The following ZNF273 variants were observed in gnomAD, a reference collection of about 807,000 sequenced individuals.
ZNF273 encodes zinc finger protein 9.
A neutral mutation model predicts 14.9 loss-of-function variants in ZNF273; 11 were observed. That is an observed-to-expected ratio of 0.74 (90% CI 0.46 to 1.22). ZNF273 has a LOEUF of 1.22. Among genes scored for constraint, ZNF273 ranks in the 50% most tolerant of loss-of-function variants. ZNF273 has a pLI of 0.00. For synonymous variants in ZNF273, 199 were observed against 223.9 expected (o/e 0.89, Z 0.99); for missense variants, 577 against 660.6 (o/e 0.87, Z 1.39).
intron 1 of ZNF273, among the ~76,000 whole-genome samples, chr7:64,908,837 A>G (rs1183335876): frequency 6.6e-6 from 1 of 152,216 alleles, no homozygotes; most frequent in Non-Finnish European, 1.5e-5. Context: ...GCTGCAGAGG[A>G]CATAACCTTA....
At chr7:64,892,030 C>T (rs1435838794), downstream of ZNF273, among the ~76,000 whole-genome samples, 1 of 152,188 alleles carries the variant, frequency 6.6e-6, no homozygotes, top group Non-Finnish European at 1.5e-5. Flanking sequence ...TCATTGTCCT[C>T]AGAAAATGAC....
chr7:64,895,563 T>G (rs541717543), intron 3 of ZNF273, among the ~76,000 whole-genome samples: 1 of 152,290 alleles, frequency 6.6e-6, no homozygotes, highest in Non-Finnish European at 1.5e-5. Flanking sequence ...GCTCATACAT[T>G]TCAAACGAAA....
upstream of ZNF273, among the ~76,000 whole-genome samples, chr7:64,902,072 CAAT>C (rs1414768116): frequency 2.0e-5 from 3 of 148,170 alleles, no homozygotes; most frequent in Non-Finnish European, 4.5e-5. Context: ...TTATTATATA[CAAT>C]AATATATATT....
chr7:64,901,636 T>G (rs1164917872), upstream of ZNF273, among the ~76,000 whole-genome samples: 10 of 152,242 alleles, frequency 6.6e-5, no homozygotes, highest in Admixed American at 1.3e-4. Flanking sequence ...AGACCCTCTT[T>G]TCTTTTCTCT....
chr7:64,879,299 G>A (rs772923760), intron 2 of ZNF273, among the ~76,000 whole-genome samples: 6 of 152,194 alleles, frequency 3.9e-5, no homozygotes, highest in Non-Finnish European at 5.9e-5. Flanking sequence ...GCATTTTGCA[G>A]GAAGCTCCTG....
rs1444053835 is a variant in ZNF273 at position 64,930,741 on chromosome 7, ATTG to A, written c.*1706_*1708del. Reference sequence around the variant, plus strand: ...TTTATATTTTTTCTTATTTAAATTTATTGTTCTTATTTTTCATGGGTACATAGT... The same window carrying A: ...TTTATATTTTTTCTTATTTAAATTTATTCTTATTTTTCATGGGTACATAGT... On this transcript the variant is annotated 3_prime_UTR_variant, in exon 4 of 4. Coordinates refer to ENST00000476120, the MANE Select transcript of ZNF273 (RefSeq NM_021148.3). 1 of 151,956 alleles carries A rather than the reference ATTG, an allele frequency of 6.6e-6. No homozygotes were observed. The highest frequency in any genetic ancestry group is 1.5e-5 in the Non-Finnish European group (1 of 67,938). 9.4% of individuals were successfully genotyped at this position (151,956 alleles called of 1,614,324 possible).
intron 3 of ZNF273, among the ~76,000 whole-genome samples, chr7:64,895,190 T>G (rs1338298723): frequency 6.6e-6 from 1 of 152,150 alleles, no homozygotes; most frequent in Admixed American, 6.5e-5. Context: ...AATTAATAAT[T>G]TGGTGCTTTC....
chr7:64,892,757 T>G (rs767491711), downstream of ZNF273, among the ~76,000 whole-genome samples: 32 of 152,208 alleles, frequency 2.1e-4, no homozygotes, highest in Non-Finnish European at 3.8e-4. Flanking sequence ...AAAGATTGGT[T>G]GGACCAGGTA....
chr7:64,935,656 G>A (rs547851998), downstream of ZNF273, among the ~76,000 whole-genome samples: 4 of 152,072 alleles, frequency 2.6e-5, no homozygotes, highest in African/African-American at 9.6e-5. Flanking sequence ...CCAAGTAACT[G>A]GGATTACAGG....
chr7:64,901,448 G>C (rs1792707271), upstream of ZNF273, among the ~76,000 whole-genome samples: 1 of 152,200 alleles, frequency 6.6e-6, no homozygotes, highest in Non-Finnish European at 1.5e-5. Context: ...CTTCTTGGTA[G>C]ACTATTGGTA....
Position 64,930,434 on chromosome 7 carries a change from TATATC to T in ZNF273, c.*1399_*1403del, listed in dbSNP as rs1239697576. On this transcript the variant is annotated 3_prime_UTR_variant, in exon 4 of 4. Coordinates refer to ENST00000476120, the MANE Select transcript of ZNF273 (RefSeq NM_021148.3). ...AAAATTTTTAATATTAAAATTCAAT[TATATC>T]ATTTTATGAATTGTGCTTTTCATAA... 3.3e-5 allele frequency: 5 copies of T among 152,156 alleles called. No individual in the cohort carries two copies. The highest frequency in any genetic ancestry group is 2.9e-5 in the Non-Finnish European group (2 of 68,018). The allele number at this position is 152,156 out of a possible 1,614,324, so 9.4% of individuals were successfully genotyped here. A position where few individuals can be genotyped will look rare whatever the true frequency, so the allele number is the denominator to read the frequency against.
At chr7:64,908,633 A>G (rs189209733) in intron 1 of ZNF273, among the ~76,000 whole-genome samples, 2 of 152,018 alleles carry the variant, frequency 1.3e-5, no homozygotes, top group Non-Finnish European at 2.9e-5. Context: ...ATTTATTTTT[A>G]AAAATAGTGA....
chr7:64,892,556 G>A (rs1487996846), downstream of ZNF273, among the ~76,000 whole-genome samples: 1 of 152,122 alleles, frequency 6.6e-6, no homozygotes, highest in Non-Finnish European at 1.5e-5. Context: ...TTGCCTAATG[G>A]TCATAAAAAA....
rs560822838 is a variant in ZNF273 at position 64,916,076 on chromosome 7, G to T, written c.103-1505G>T. On this transcript the variant is annotated intron_variant, in intron 1 of 3. Transcript: ENST00000476120. ...CTGGGTGTGGTGGCACATGCTTGTA[G>T]TCCCAGCTACTAGGGAGACTGAGGC... Among the ~76,000 whole-genome samples the T allele has an allele frequency of 2.6e-5, 4 of 151,870 alleles. No individual in the cohort carries two copies. In the South Asian group the frequency reaches 8.3e-4, roughly 32 times the overall value.
intron 3 of ZNF273, among the ~76,000 whole-genome samples, chr7:64,926,311 G>A (rs1157840263): frequency 6.6e-6 from 1 of 151,892 alleles, no homozygotes. Flanking sequence ...TGTGACTGTT[G>A]AAATCGTGCT....
intron 1 of ZNF273, among the ~76,000 whole-genome samples, chr7:64,909,417 C>T (rs967746328): frequency 6.6e-6 from 1 of 151,854 alleles, no homozygotes; most frequent in South Asian, 2.1e-4. Context: ...TTAGTAGAGA[C>T]GGGGTTTCAA....
Position 64,929,146 on chromosome 7 carries a change from A to G in ZNF273, c.*108A>G. On this transcript the variant is annotated 3_prime_UTR_variant, in exon 4 of 4. Transcript: ENST00000476120. ...AGAAGTGGAGTTTTCCTTATTGCAC[A>G]GGAAAGCATTTATACTTGAGAAAAA... 1.9e-6 allele frequency: 2 copies of G among 1,054,212 alleles called. No homozygotes were observed. Among genetic ancestry groups the G allele is most frequent in the Non-Finnish European group, 2.6e-6 (2 of 773,298 alleles). The allele number at this position is 1,054,212 out of a possible 1,614,324, so 65.3% of individuals were successfully genotyped here.
chr7:64,929,062 CT>C lies in ZNF273; in HGVS notation c.*27del. On this transcript the variant is annotated 3_prime_UTR_variant, in exon 4 of 4. Transcript: ENST00000476120. Reference sequence around the variant, plus strand: ...AGAAATGTGAAGAATGTGACAAAGCCTTTAAGCGGTTGTCACACTTGATTGT... The same window carrying C: ...AGAAATGTGAAGAATGTGACAAAGCCTTAAGCGGTTGTCACACTTGATTGT... The C allele has an allele frequency of 7.1e-7, 1 of 1,403,860 alleles. No homozygotes were observed. Among genetic ancestry groups the C allele is most frequent in the African/African-American group, 1.7e-5 (1 of 57,704 alleles). 87.0% of individuals were successfully genotyped at this position (1,403,860 alleles called of 1,614,324 possible).
chr7:64,878,119 T>G (rs1025343784), intron 1 of ZNF273, among the ~76,000 whole-genome samples: 1 of 152,172 alleles, frequency 6.6e-6, no homozygotes, highest in Non-Finnish European at 1.5e-5. Context: ...CTTGTTCTTT[T>G]GAGTCGGCTG....
Sources: gnomAD v4.1 joint callset for allele counts (sites outside exome capture counted in the v4.1 genomes callset) on GRCh38, gnomAD v4.1.1 for gene constraint, MANE v1.5 for transcripts, NCBI Gene and HGNC (gene_info 2026-07-23, HGNC 2026-07-21) for gene names.